PDE1C: variants seen among roughly 807,000 people sequenced by gnomAD.
PDE1C encodes the protein phosphodiesterase 1C, also known as dual specificity calcium/calmodulin-dependent 3',5'-cyclic nucleotide phosphodiesterase 1C.
In PDE1C, 62 loss-of-function variants were observed where a neutral mutation model predicts 93.1. The observed-to-expected ratio is 0.67, with a 90% confidence interval of 0.54 to 0.82. The LOEUF (loss-of-function observed/expected upper bound fraction) is 0.82. Among genes scored for constraint, PDE1C ranks in the 40% least tolerant of loss-of-function variants. The pLI, the probability that PDE1C is intolerant of heterozygous loss-of-function variation, is 0.00. For missense variants in PDE1C, 742 were observed against 884.6 expected (o/e 0.84, Z 2.04); for synonymous variants, 325 against 310.1 (o/e 1.05, Z -0.50).
the PDE1C span, among the ~76,000 whole-genome samples, chr7:31,621,931 C>CA: frequency 6.7e-6 from 1 of 149,666 alleles, no homozygotes; most frequent in African/African-American, 2.5e-5. Context: ...CAATGGAAAA[C>CA]AAAAAAAGGC....
intron 1 of PDE1C, among the ~76,000 whole-genome samples, chr7:32,415,479 A>C (rs1373682178): frequency 6.6e-6 from 1 of 152,134 alleles, no homozygotes; most frequent in Non-Finnish European, 1.5e-5. Flanking sequence ...AATGTTTTTT[A>C]AATTTAAGAA....
At chr7:31,863,732 T>G (rs10265932) in intron 7 of PDE1C, among the ~76,000 whole-genome samples, 92,342 of 152,026 alleles carry the variant, frequency 0.61, 29,201 homozygotes, top group East Asian at 0.78. Flanking sequence ...GAGTACTTAA[T>G]ATTTTTGATA....
chr7:32,179,228 T>C lies in PDE1C; in HGVS notation c.137-9272A>G, dbSNP rs550170162. 6.6e-5 allele frequency among the ~76,000 whole-genome samples: 10 copies of C among 151,924 alleles called. No homozygotes were observed. In the East Asian group the frequency reaches 1.2e-3, roughly 18 times the overall value. On this transcript the variant is annotated intron_variant, in intron 2 of 18. Transcript: ENST00000396193. ...ACAATTTTTTACATAGGAAACAGGATTTGCCTTATCGCAACTAGGAAGAGT... is the reference window on the plus strand; with the variant it reads ...ACAATTTTTTACATAGGAAACAGGACTTGCCTTATCGCAACTAGGAAGAGT...
At chr7:31,702,933 GGCA>G in the PDE1C span, among the ~76,000 whole-genome samples, 1 of 152,130 alleles carries the variant, frequency 6.6e-6, no homozygotes, top group East Asian at 1.9e-4. Context: ...AATATTTATG[GGCA>G]GGGAGTCATC....
At chr7:31,778,404 G>A (rs894124712) in intron 16 of PDE1C, among the ~76,000 whole-genome samples, 2 of 152,146 alleles carry the variant, frequency 1.3e-5, no homozygotes, top group South Asian at 4.1e-4. Context: ...TTGGGATAGG[G>A]TTTCTCAGCA....
At chr7:32,326,955 T>C (rs1783415600) in intron 1 of PDE1C, among the ~76,000 whole-genome samples, 2 of 152,150 alleles carry the variant, frequency 1.3e-5, no homozygotes, top group African/African-American at 2.4e-5. Flanking sequence ...ACAACAGGCA[T>C]TGGAAACTAG....
chr7:31,983,964 C>T (rs1783038608), intron 2 of PDE1C, among the ~76,000 whole-genome samples: 1 of 152,078 alleles, frequency 6.6e-6, no homozygotes, highest in Non-Finnish European at 1.5e-5. Flanking sequence ...AAAGATGCTG[C>T]AGGCTGCCCA....
At chr7:32,379,248 T>A (rs1409749067) in intron 1 of PDE1C, among the ~76,000 whole-genome samples, 1 of 152,118 alleles carries the variant, frequency 6.6e-6, no homozygotes, top group Non-Finnish European at 1.5e-5. Flanking sequence ...AGCACCAACA[T>A]CCCCAAACAT....
intron 2 of PDE1C, among the ~76,000 whole-genome samples, chr7:32,176,846 C>G (rs998893849): frequency 1.3e-5 from 2 of 152,110 alleles, no homozygotes; most frequent in African/African-American, 4.8e-5. Context: ...TTGGGAACCA[C>G]AGCTCTTATT....
intron 7 of PDE1C, among the ~76,000 whole-genome samples, chr7:31,852,468 C>T (rs558254605): frequency 5.3e-5 from 8 of 151,932 alleles, no homozygotes; most frequent in African/African-American, 1.4e-4. Flanking sequence ...ATCAAAGCTG[C>T]AAAACCCCTT....
intron 2 of PDE1C, among the ~76,000 whole-genome samples, chr7:31,952,246 G>T (rs1807469592): frequency 6.6e-6 from 1 of 151,936 alleles, no homozygotes; most frequent in Non-Finnish European, 1.5e-5. Flanking sequence ...CTATATTAGA[G>T]AACTACCTTT....
chr7:31,840,525 C>T (rs915551471), intron 9 of PDE1C, among the ~76,000 whole-genome samples: 12 of 151,828 alleles, frequency 7.9e-5, no homozygotes, highest in East Asian at 3.9e-4. Context: ...TCTGAGAAAC[C>T]GCCACCTACT....
chr7:32,336,528 A>G (rs188974170), intron 1 of PDE1C, among the ~76,000 whole-genome samples: 2 of 152,314 alleles, frequency 1.3e-5, no homozygotes, highest in African/African-American at 4.8e-5. Flanking sequence ...GGGAATTATC[A>G]TGTGGGCTCA....
the PDE1C span, among the ~76,000 whole-genome samples, chr7:31,617,672 C>T: frequency 6.6e-6 from 1 of 151,894 alleles, no homozygotes; most frequent in Non-Finnish European, 1.5e-5. Context: ...ACCCACGATA[C>T]TCTTGTCATT....
intron 3 of PDE1C, among the ~76,000 whole-genome samples, chr7:32,134,272 C>T (rs1800083117): frequency 6.6e-6 from 1 of 151,924 alleles, no homozygotes; most frequent in African/African-American, 2.4e-5. Context: ...TGGTGAAAGA[C>T]AAAAATGTAC....
chr7:32,124,848 C>G (rs1160097588), intron 3 of PDE1C, among the ~76,000 whole-genome samples: 1 of 152,140 alleles, frequency 6.6e-6, no homozygotes, highest in Non-Finnish European at 1.5e-5. Flanking sequence ...AAAGCAATTG[C>G]AACAAGAGCT....
chr7:32,182,512 C>T (rs896323576), intron 2 of PDE1C, among the ~76,000 whole-genome samples: 6 of 152,098 alleles, frequency 3.9e-5, no homozygotes, highest in Admixed American at 2.0e-4. Flanking sequence ...AATCAATAAA[C>T]GTAATCCAGC....
At chr7:32,287,411 C>T (rs1384433993) in intron 1 of PDE1C, among the ~76,000 whole-genome samples, 1 of 152,186 alleles carries the variant, frequency 6.6e-6, no homozygotes, top group Non-Finnish European at 1.5e-5. Flanking sequence ...CAGGGAAGCC[C>T]ATCCCAATCC....
chr7:32,029,494 G>A (rs975482550), intron 2 of PDE1C, among the ~76,000 whole-genome samples: 3 of 152,044 alleles, frequency 2.0e-5, no homozygotes, highest in Non-Finnish European at 4.4e-5. Flanking sequence ...GTTTATCTTT[G>A]TGATAGAATA....
Sources: gnomAD v4.1 joint callset for allele counts (sites outside exome capture counted in the v4.1 genomes callset) on GRCh38, gnomAD v4.1.1 for gene constraint, MANE v1.5 for transcripts, NCBI Gene and HGNC (gene_info 2026-07-23, HGNC 2026-07-21) for gene names.